The following TSPAN12 variants were observed in gnomAD, a reference collection of about 807,000 sequenced individuals.
The protein encoded by TSPAN12 is tetraspanin 12, also known as tetraspanin-12.
In TSPAN12, 19 loss-of-function variants were observed where a neutral mutation model predicts 39.2. The observed-to-expected ratio is 0.49, with a 90% CI of 0.34 to 0.71. The LOEUF (loss-of-function observed/expected upper bound fraction) is 0.71. TSPAN12 is among the 30% of genes least tolerant of loss of function. The pLI, the probability that TSPAN12 is intolerant of heterozygous loss-of-function variation, is 0.01. For synonymous variants in TSPAN12, 119 were observed against 124.8 expected (o/e 0.95, Z 0.31); for missense variants, 314 against 359.9 (o/e 0.87, Z 1.03).
chr7:120,839,606 G>C (rs1466391825), intron 3 of TSPAN12, among the ~76,000 whole-genome samples: 1 of 152,036 alleles, frequency 6.6e-6, no homozygotes, highest in African/African-American at 2.4e-5. Context: ...TTTGTCCCCT[G>C]TGATGTTAGT....
At chr7:120,840,175 T>C (rs1670489120) in intron 2 of TSPAN12, 66 bp from the exon 3 acceptor site, 2 of 1,202,210 alleles carry the variant, frequency 1.7e-6, no homozygotes, top group South Asian at 1.2e-5. Context: ...GGATTAATAA[T>C]AGGAAAATTA....
intron 7 of TSPAN12, among the ~76,000 whole-genome samples, chr7:120,798,717 G>C (rs1793682077): frequency 1.3e-5 from 2 of 152,026 alleles, no homozygotes; most frequent in Admixed American, 1.3e-4. Flanking sequence ...CCTGCCTTCG[G>C]TATCCCTGTA....
intron 5 of TSPAN12, 80 bp downstream of exon 5, chr7:120,815,649 G>A (rs1327465963): frequency 7.8e-7 from 1 of 1,280,460 alleles, no homozygotes; most frequent in African/African-American, 1.5e-5. Context: ...ATAGCGGAGT[G>A]AAAATGAACT....
At chr7:120,820,008 A>C (rs1794158729) in intron 4 of TSPAN12, among the ~76,000 whole-genome samples, 1 of 152,176 alleles carries the variant, frequency 6.6e-6, no homozygotes, top group African/African-American at 2.4e-5. Context: ...GTCACTACAC[A>C]GACACCTATT....
chr7:120,846,285 T>C (rs1794667637), intron 2 of TSPAN12, among the ~76,000 whole-genome samples: 1 of 152,224 alleles, frequency 6.6e-6, no homozygotes, highest in Non-Finnish European at 1.5e-5. Flanking sequence ...TATCATGTGG[T>C]ATTTTATTTC....
chr7:120,798,386 G>A (rs1793674543), intron 7 of TSPAN12, among the ~76,000 whole-genome samples: 1 of 152,132 alleles, frequency 6.6e-6, no homozygotes, highest in Admixed American at 6.6e-5. Context: ...AGACAGGAGG[G>A]AGCATCTTTG....
chr7:120,795,363 C>G (rs1288343685), intron 7 of TSPAN12, among the ~76,000 whole-genome samples: 2 of 152,158 alleles, frequency 1.3e-5, no homozygotes, highest in African/African-American at 4.8e-5. Flanking sequence ...AATAATAACA[C>G]TACCTTTATC....
chr7:120,807,161 A>C (rs1391709786), intron 6 of TSPAN12, among the ~76,000 whole-genome samples: 2 of 152,140 alleles, frequency 1.3e-5, no homozygotes, highest in Non-Finnish European at 2.9e-5. Context: ...CACATCACAA[A>C]AAGTTAGCAG....
chr7:120,823,244 C>T (rs1346744486), intron 4 of TSPAN12, among the ~76,000 whole-genome samples: 2 of 151,770 alleles, frequency 1.3e-5, no homozygotes, highest in Admixed American at 1.3e-4. Context: ...CCTTTTACTA[C>T]CTGAAGCAAT....
At chr7:120,798,853 C>A (rs1388289864) in intron 7 of TSPAN12, among the ~76,000 whole-genome samples, 1 of 151,846 alleles carries the variant, frequency 6.6e-6, no homozygotes, top group Middle Eastern at 3.4e-3. Context: ...ATTTTCTGCA[C>A]GTGGCTTACA....
intron 6 of TSPAN12, 119 bp from the exon 7 acceptor site, chr7:120,806,811 A>G (rs1158649562): frequency 2.5e-6 from 3 of 1,195,632 alleles, no homozygotes; most frequent in East Asian, 2.5e-5. Context: ...TCATCACCTA[A>G]TGATATATGT....
chr7:120,839,940 A>T, intron 3 of TSPAN12, 87 bp downstream of exon 3: 2 of 1,114,712 alleles, frequency 1.8e-6, no homozygotes, highest in Non-Finnish European at 2.7e-6. Context: ...CCAAAAGATC[A>T]AGGAAGAGCA....
chr7:120,790,274 T>C (rs1289204908), intron 7 of TSPAN12, among the ~76,000 whole-genome samples: 1 of 152,192 alleles, frequency 6.6e-6, no homozygotes, highest in Admixed American at 6.5e-5. Flanking sequence ...GTATAATGGT[T>C]AAGATCATGA....
rs117558425 is a variant in TSPAN12, at chr7:120,834,955, T to C, written c.285+3822A>G. Among the ~76,000 whole-genome samples the C allele has an allele frequency of 8.1e-3, 1,238 of 152,276 alleles. 10 individuals carry two copies. Among genetic ancestry groups the C allele is most frequent in the Admixed American group, 0.018 (271 of 15,294 alleles). ...CTTGTAATCTAACCTTTTCTAACAG[T>C]CAAATTCCTCTGTTAAAATCTCACT... is the stretch of plus-strand genomic sequence containing the variant. On this transcript the variant is annotated intron_variant, in intron 4 of 7. Transcript: ENST00000222747.
intron 4 of TSPAN12, among the ~76,000 whole-genome samples, chr7:120,828,188 C>A (rs1162666143): frequency 1.3e-5 from 2 of 152,148 alleles, no homozygotes; most frequent in African/African-American, 4.8e-5. Context: ...AAACGTAATT[C>A]TCCCTTACTT....
intron 4 of TSPAN12, among the ~76,000 whole-genome samples, chr7:120,823,054 T>C (rs1310698533): frequency 6.6e-6 from 1 of 152,150 alleles, no homozygotes; most frequent in Non-Finnish European, 1.5e-5. Flanking sequence ...TTTCCAGGCA[T>C]ATAGGCTTTA....
chr7:120,846,571 G>T (rs1393588441), intron 2 of TSPAN12, among the ~76,000 whole-genome samples: 1 of 152,182 alleles, frequency 6.6e-6, no homozygotes, highest in Non-Finnish European at 1.5e-5. Context: ...TTATATGGCA[G>T]GATGATTAAA....
intron 2 of TSPAN12, among the ~76,000 whole-genome samples, chr7:120,853,481 T>TATATAC (rs1374376608): frequency 7.1e-6 from 1 of 141,388 alleles, no homozygotes; most frequent in African/African-American, 2.6e-5. Flanking sequence ...GATATATATA[T>TATATAC]ATATATATAT....
chr7:120,851,032 C>T (rs1228316895), intron 2 of TSPAN12, among the ~76,000 whole-genome samples: 19 of 152,066 alleles, frequency 1.2e-4, no homozygotes, highest in Non-Finnish European at 2.9e-5. Flanking sequence ...TTTAAAAGAC[C>T]ACAAATATTT....
Sources: gnomAD v4.1 joint callset for allele counts (sites outside exome capture counted in the v4.1 genomes callset) on GRCh38, gnomAD v4.1.1 for gene constraint, MANE v1.5 for transcripts, NCBI Gene and HGNC (gene_info 2026-07-23, HGNC 2026-07-21) for gene names.